The following PIBF1 variants were observed in gnomAD, a reference collection of about 807,000 sequenced individuals.
PIBF1 encodes the protein progesterone immunomodulatory binding factor 1.
PIBF1 carries 90 observed loss-of-function variants against 112.5 expected under a neutral mutation model. That is an observed-to-expected ratio of 0.80 (90% CI 0.67 to 0.95). The LOEUF (loss-of-function observed/expected upper bound fraction) is 0.95. Among genes scored for constraint, PIBF1 ranks in the 40% least tolerant of loss-of-function variants. PIBF1 has a pLI of 0.00. For missense variants in PIBF1, 915 were observed against 852.3 expected, an observed-to-expected ratio of 1.07 and a Z score of -0.92; for synonymous variants, 301 against 288.6, an observed-to-expected ratio of 1.04 and a Z score of -0.44.
chr13:72,975,959 C>T (rs557750596), intron 16 of PIBF1, among the ~76,000 whole-genome samples: 1 of 152,062 alleles, frequency 6.6e-6, no homozygotes, highest in South Asian at 2.1e-4. Context: ...AATGGCAATT[C>T]TCATTTGATT....
intron 16 of PIBF1, among the ~76,000 whole-genome samples, chr13:72,994,635 A>C (rs1036753232): frequency 6.6e-6 from 1 of 152,212 alleles, no homozygotes; most frequent in Non-Finnish European, 1.5e-5. Context: ...AGTAGAATCA[A>C]AAGGCAGGGA....
chr13:72,987,450 A>G (rs1003522945), intron 16 of PIBF1, among the ~76,000 whole-genome samples: 2 of 151,976 alleles, frequency 1.3e-5, no homozygotes, highest in African/African-American at 4.8e-5. Context: ...TTAATTGTAT[A>G]GAGAGACTGG....
At chr13:72,966,484 A>G (rs2042741759) in intron 15 of PIBF1, among the ~76,000 whole-genome samples, 1 of 152,210 alleles carries the variant, frequency 6.6e-6, no homozygotes, top group Non-Finnish European at 1.5e-5. Flanking sequence ...TAATTGTTCT[A>G]TAAATAGTTC....
intron 16 of PIBF1, among the ~76,000 whole-genome samples, chr13:72,979,918 C>G (rs1046337035): frequency 2.0e-5 from 3 of 152,140 alleles, no homozygotes; most frequent in Admixed American, 1.3e-4. Flanking sequence ...GAGCAAGACT[C>G]TGTCTCAAAA....
rs148190565 is a variant in PIBF1, at chr13:73,000,236, T to C, written c.2223+1241T>C. On this transcript the variant is annotated intron_variant, in intron 17 of 17. Coordinates refer to ENST00000326291, the MANE Select transcript of PIBF1 (RefSeq NM_006346.4). ...TTCTCCTCTAGTTTCTGCTTACTCATGTTTTCCACTTCCTCATTAACTTGC... is the reference window on the plus strand; with the variant it reads ...TTCTCCTCTAGTTTCTGCTTACTCACGTTTTCCACTTCCTCATTAACTTGC... 9.6e-3 allele frequency among the ~76,000 whole-genome samples: 1,463 copies of C among 152,304 alleles called. 17 individuals carry two copies. Among genetic ancestry groups the C allele is most frequent in the African/African-American group, 0.031 (1,291 of 41,556 alleles).
intron 6 of PIBF1, among the ~76,000 whole-genome samples, chr13:72,822,939 A>C (rs2036626778): frequency 6.6e-6 from 1 of 152,180 alleles, no homozygotes; most frequent in African/African-American, 2.4e-5. Context: ...GAAGCATTTA[A>C]AAATGAAGTA....
intron 5 of PIBF1, among the ~76,000 whole-genome samples, chr13:72,811,611 A>AGAGG (rs2036020545): frequency 1.4e-5 from 1 of 69,700 alleles, no homozygotes; most frequent in Non-Finnish European, 2.6e-5. Context: ...AAAAAAAAAG[A>AGAGG]GAGAGAAATG....
At chr13:72,799,615 C>T (rs1193802171) in intron 5 of PIBF1, among the ~76,000 whole-genome samples, 1 of 152,128 alleles carries the variant, frequency 6.6e-6, no homozygotes, top group Admixed American at 6.5e-5. Context: ...ACAGAGAAGG[C>T]CACTGTTTGG....
At chr13:72,823,572 TGCCCC>T (rs2036665034) in intron 6 of PIBF1, among the ~76,000 whole-genome samples, 1 of 152,140 alleles carries the variant, frequency 6.6e-6, no homozygotes, top group Admixed American at 6.5e-5. Flanking sequence ...AGCCCTTTTA[TGCCCC>T]GGGTAAATTC....
chr13:72,808,867 T>C (rs1445907990), intron 5 of PIBF1, among the ~76,000 whole-genome samples: 2 of 152,156 alleles, frequency 1.3e-5, no homozygotes. Flanking sequence ...GAAACTCACC[T>C]AAATGCTGAA....
intron 5 of PIBF1, 139 bp downstream of exon 5, chr13:72,798,165 G>A (rs1410656564): frequency 1.3e-6 from 1 of 793,358 alleles, no homozygotes; most frequent in Non-Finnish European, 1.9e-6. Context: ...TTCAATAATG[G>A]GAAGGAGGTT....
At chr13:72,997,124 A>G (rs1054215428) in intron 16 of PIBF1, among the ~76,000 whole-genome samples, 1 of 152,150 alleles carries the variant, frequency 6.6e-6, no homozygotes, top group African/African-American at 2.4e-5. Context: ...GAATAGTGCT[A>G]GATTGTTTTG....
At chr13:72,922,556 G>A (rs1566451097) in intron 13 of PIBF1, among the ~76,000 whole-genome samples, 1 of 152,132 alleles carries the variant, frequency 6.6e-6, no homozygotes, top group Non-Finnish European at 1.5e-5. Flanking sequence ...TGAATGTGGA[G>A]ACTGTTCTGA....
chr13:72,958,350 A>G (rs1460614542), intron 14 of PIBF1, among the ~76,000 whole-genome samples: 1 of 149,682 alleles, frequency 6.7e-6, no homozygotes, highest in Non-Finnish European at 1.5e-5. Flanking sequence ...CAGGGCCACA[A>G]TTTGAAGTAG....
intron 14 of PIBF1, among the ~76,000 whole-genome samples, chr13:72,952,849 T>TCATGAAG (rs2042339201): frequency 6.7e-6 from 1 of 149,130 alleles, no homozygotes; most frequent in African/African-American, 2.5e-5. Context: ...GGCAGAGGTC[T>TCATGAAG]CATGAAGCTT....
chr13:72,894,322 T>A (rs2040182518), intron 11 of PIBF1, among the ~76,000 whole-genome samples: 2 of 152,090 alleles, frequency 1.3e-5, no homozygotes, highest in South Asian at 4.1e-4. Flanking sequence ...TTTCATCAAA[T>A]AATATGATAT....
rs115461081 is a variant in PIBF1, at chr13:72,924,536, A to C, written c.1731-6629A>C. On this transcript the variant is annotated intron_variant, in intron 13 of 17. Transcript: ENST00000326291. ...CAGGAGTTTGAGACTAGCCTGGGTAACAATGTGAAACACAGCCTCTACAAA... is the reference window on the plus strand; with the variant it reads ...CAGGAGTTTGAGACTAGCCTGGGTACCAATGTGAAACACAGCCTCTACAAA... Among the ~76,000 whole-genome samples the C allele has an allele frequency of 6.2e-3, 944 of 152,256 alleles. 21 individuals are homozygous for C. Among genetic ancestry groups the C allele is most frequent in the African/African-American group, 0.021 (890 of 41,548 alleles).
intron 5 of PIBF1, among the ~76,000 whole-genome samples, chr13:72,808,875 G>C (rs1329762893): frequency 6.6e-6 from 1 of 152,114 alleles, no homozygotes; most frequent in African/African-American, 2.4e-5. Context: ...CCTAAATGCT[G>C]AAAATGATAG....
At chr13:72,801,648 A>G (rs2035481028) in intron 5 of PIBF1, among the ~76,000 whole-genome samples, 1 of 152,136 alleles carries the variant, frequency 6.6e-6, no homozygotes, top group Admixed American at 6.5e-5. Flanking sequence ...GGTAAACTCA[A>G]GTGTTTGGGA....
Sources: allele counts gnomAD v4.1 joint callset (sites outside exome capture counted in the v4.1 genomes callset), GRCh38; gene constraint gnomAD v4.1.1; transcripts MANE v1.5; gene names NCBI Gene and HGNC (gene_info 2026-07-23, HGNC 2026-07-21).